Variants in EDARADD observed in about 807,000 individuals in gnomAD.
The protein encoded by EDARADD is EDAR associated via death domain, also known as ectodysplasin-A receptor-associated adapter protein.
EDARADD carries 20 observed loss-of-function variants against 25.6 expected under a neutral mutation model. The observed-to-expected ratio is 0.78, with a 90% CI of 0.55 to 1.14. The LOEUF (loss-of-function observed/expected upper bound fraction) is 1.14, where lower values mean the gene tolerates loss of function less well. EDARADD is among the 50% of genes most tolerant of loss of function. EDARADD has a pLI of 0.00. For synonymous variants in EDARADD, 86 were observed against 94.4 expected (o/e 0.91, Z 0.52); for missense variants, 225 against 270.1 (o/e 0.83, Z 1.17).
chr1:236,464,420 C>A, intron 4 of EDARADD, among the ~76,000 whole-genome samples: 1 of 127,190 alleles, frequency 7.9e-6, no homozygotes, highest in Non-Finnish European at 1.6e-5. Flanking sequence ...GTCCTTGCTG[C>A]AACTTTTTTT....
chr1:236,460,846 G>A (rs575590140), intron 4 of EDARADD, among the ~76,000 whole-genome samples: 2 of 151,290 alleles, frequency 1.3e-5, no homozygotes, highest in East Asian at 3.9e-4. Flanking sequence ...TTTTTGAGAC[G>A]TAGTCTTGCT....
intron 1 of EDARADD, among the ~76,000 whole-genome samples, chr1:236,404,990 A>T (rs1006109851): frequency 1.3e-5 from 2 of 152,214 alleles, no homozygotes; most frequent in African/African-American, 4.8e-5. Context: ...GCTACTCAGG[A>T]TGCTGAGGCA....
chr1:236,359,178 C>T (rs1040950817), intron 3 of EDARADD, among the ~76,000 whole-genome samples: 1 of 152,122 alleles, frequency 6.6e-6, no homozygotes, highest in African/African-American at 2.4e-5. Flanking sequence ...GTCATCTCAC[C>T]CTCACTCTCT....
intron 3 of EDARADD, among the ~76,000 whole-genome samples, chr1:236,353,010 T>TA (rs71559946): frequency 0.24 from 35,270 of 148,488 alleles, 4,156 homozygotes; most frequent in East Asian, 0.38. Context: ...ACTCCGTCTC[T>TA]AAAAAAAAAA....
intron 2 of EDARADD, 106 bp from the exon 3 acceptor site, chr1:236,414,154 T>C: frequency 1.0e-6 from 1 of 956,098 alleles, no homozygotes; most frequent in Non-Finnish European, 1.7e-6. Flanking sequence ...TTAAACATTT[T>C]CAAGTTTTTA....
chr1:236,404,331 C>G (rs1483514828), intron 1 of EDARADD, among the ~76,000 whole-genome samples: 1 of 152,104 alleles, frequency 6.6e-6, no homozygotes, highest in East Asian at 1.9e-4. Flanking sequence ...CTCAAATAAC[C>G]AGGATCTGCT....
Position 236,483,510 on chromosome 1 carries a change from C to A in EDARADD, c.*861C>A. On this transcript the variant is annotated 3_prime_UTR_variant, in exon 6 of 6. Transcript: ENST00000334232. ...TGCAAATGCCATTCTGGGAGTGTCC[C>A]TCGCTGCCTGCAAAGCTAGTGCTGT... 9.8e-7 allele frequency: 1 copy of A among 1,025,116 alleles called. No homozygotes were observed. The highest frequency in any genetic ancestry group is 1.5e-6 in the Non-Finnish European group (1 of 645,806). 63.5% of individuals were successfully genotyped at this position (1,025,116 alleles called of 1,614,324 possible).
At chr1:236,464,406 C>T (rs923566088) in intron 4 of EDARADD, among the ~76,000 whole-genome samples, 16 of 142,924 alleles carry the variant, frequency 1.1e-4, no homozygotes, top group African/African-American at 3.8e-4. Context: ...AGCCACCATG[C>T]GTGGTCCTTG....
chr1:236,355,690 A>G (rs185717384), intron 3 of EDARADD, among the ~76,000 whole-genome samples: 1 of 151,420 alleles, frequency 6.6e-6, no homozygotes, highest in Admixed American at 6.6e-5. Flanking sequence ...TTGTATTTTT[A>G]GTAGAGACAA....
chr1:236,455,224 T>G (rs1353239217), intron 4 of EDARADD, among the ~76,000 whole-genome samples: 1 of 139,136 alleles, frequency 7.2e-6, no homozygotes, highest in Non-Finnish European at 1.6e-5. Flanking sequence ...AAAAAAAAAA[T>G]AGTGGATGGA....
At chr1:236,444,129 T>C (rs971623153) in intron 4 of EDARADD, among the ~76,000 whole-genome samples, 6 of 152,202 alleles carry the variant, frequency 3.9e-5, no homozygotes, top group Admixed American at 1.3e-4. Context: ...GACGTACTTT[T>C]TTAGACATAA....
At chr1:236,412,803 A>G (rs1412794033) in intron 2 of EDARADD, among the ~76,000 whole-genome samples, 4 of 152,246 alleles carry the variant, frequency 2.6e-5, no homozygotes, top group Admixed American at 6.5e-5. Context: ...GGGAATGCAC[A>G]GATTGTAATT....
chr1:236,445,245 T>TTTTTTTTTTTTTTTTTTTTTTTTA (rs1658502774), intron 4 of EDARADD, among the ~76,000 whole-genome samples: 2 of 139,544 alleles, frequency 1.4e-5, no homozygotes, highest in Non-Finnish European at 3.2e-5. Flanking sequence ...TTTTTTTTTT[T>TTTTTTTTTTTTTTTTTTTTTTTTA]GAGACAGAGT....
At chr1:236,482,029 C>G (rs372450021) in intron 5 of EDARADD, among the ~76,000 whole-genome samples, 1 of 148,010 alleles carries the variant, frequency 6.8e-6, no homozygotes, top group South Asian at 2.2e-4. Context: ...AGGAGAATGG[C>G]GTGAACCCCT....
At chr1:236,427,133 CT>C (rs1657942516) in intron 3 of EDARADD, among the ~76,000 whole-genome samples, 1 of 152,284 alleles carries the variant, frequency 6.6e-6, no homozygotes, top group African/African-American at 2.4e-5. Flanking sequence ...CCGCCTGCCC[CT>C]GTCTCTTATT....
Position 236,395,491 on chromosome 1 carries a change from G to T in EDARADD, c.61+986G>T. 6.6e-7 allele frequency: 1 copy of T among 1,521,272 alleles called. No individual in the cohort carries two copies. Among genetic ancestry groups the T allele is most frequent in the Non-Finnish European group, 8.8e-7 (1 of 1,138,176 alleles). The allele number at this position is 1,521,272 out of a possible 1,614,324, so 94.2% of individuals were successfully genotyped here. ...AGAAGGGAGGGGAAGGCGGAGGAGG[G>T]CAGGGGCGCGCAGAGCCACGGTTTG... On this transcript the variant is annotated intron_variant, in intron 1 of 5. Coordinates refer to ENST00000334232, the MANE Select transcript of EDARADD (RefSeq NM_145861.4). The surrounding 1 kb of genome is among the most constrained non-coding windows in gnomAD (Gnocchi z 6.9).
intron 3 of EDARADD, among the ~76,000 whole-genome samples, chr1:236,361,720 CTA>C (rs1667053505): frequency 6.8e-6 from 1 of 147,520 alleles, no homozygotes; most frequent in African/African-American, 2.5e-5. Context: ...TCGGATTCAT[CTA>C]TGTTGTTAGT....
chr1:236,379,683 G>A (rs1667275471), intron 3 of EDARADD, among the ~76,000 whole-genome samples: 1 of 151,928 alleles, frequency 6.6e-6, no homozygotes, highest in South Asian at 2.1e-4. Context: ...GGAGGCTGAG[G>A]CAGGAGAATC....
At chr1:236,392,491 ATT>A (rs10649367), upstream of EDARADD, among the ~76,000 whole-genome samples, 1 of 139,620 alleles carries the variant, frequency 7.2e-6, no homozygotes, top group Non-Finnish European at 1.5e-5. Context: ...TGCTCAGCTA[ATT>A]TTTTTTTTTT....
Sources: gnomAD v4.1 joint callset for allele counts (sites outside exome capture counted in the v4.1 genomes callset) on GRCh38, gnomAD v4.1.1 for gene constraint, Gnocchi (gnomAD v3.1) non-coding constraint, MANE v1.5 for transcripts, NCBI Gene and HGNC (gene_info 2026-07-23, HGNC 2026-07-21) for gene names.